Variants in SCD5 observed in about 807,000 individuals in gnomAD.
SCD5 encodes stearoyl-CoA desaturase 5, also known as acyl-CoA-desaturase 4.
In SCD5, 20 loss-of-function variants were observed where a neutral mutation model predicts 30.4. That is an observed-to-expected ratio of 0.66 (90% CI 0.46 to 0.96). SCD5 has a LOEUF of 0.96. SCD5 is among the 40% of genes least tolerant of loss of function. The probability of loss-of-function intolerance (pLI) is 0.00; values close to 1 mark genes in which losing one functional copy is unlikely to be tolerated. For missense variants in SCD5, 381 were observed against 443.3 expected (o/e 0.86, Z 1.26); for synonymous variants, 173 against 176.4 (o/e 0.98, Z 0.16).
chr4:82,720,447 A>C (rs983522203), intron 1 of SCD5, among the ~76,000 whole-genome samples: 8 of 148,112 alleles, frequency 5.4e-5, no homozygotes, highest in Non-Finnish European at 1.2e-4. Context: ...AAAATAAAAA[A>C]AAAAAAAAAA....
At chr4:82,731,832 G>A (rs1040316943) in intron 1 of SCD5, among the ~76,000 whole-genome samples, 27 of 152,052 alleles carry the variant, frequency 1.8e-4, no homozygotes, top group Non-Finnish European at 3.1e-4. Context: ...ATTCCCTTCC[G>A]TCCCCAGAGG....
At chr4:82,658,384 T>C (rs1727909647) in intron 3 of SCD5, among the ~76,000 whole-genome samples, 1 of 152,110 alleles carries the variant, frequency 6.6e-6, no homozygotes, top group Non-Finnish European at 1.5e-5. Context: ...TCTGTTTATG[T>C]GATGGATTAC....
At chr4:82,764,679 C>T (rs572195131) in intron 1 of SCD5, among the ~76,000 whole-genome samples, 1 of 151,842 alleles carries the variant, frequency 6.6e-6, no homozygotes, top group East Asian at 1.9e-4. Flanking sequence ...TCAAAATACA[C>T]TGCTACTATT....
intron 3 of SCD5, among the ~76,000 whole-genome samples, chr4:82,663,008 T>C (rs561118712): frequency 1.3e-5 from 2 of 152,046 alleles, no homozygotes; most frequent in Non-Finnish European, 1.5e-5. Flanking sequence ...GACTATAAAA[T>C]AGGATGCAGA....
chr4:82,696,981 C>T (rs765976843), intron 2 of SCD5, among the ~76,000 whole-genome samples: 11 of 152,194 alleles, frequency 7.2e-5, no homozygotes, highest in Non-Finnish European at 1.3e-4. Flanking sequence ...GAATTAGACT[C>T]GTGGCTTCTA....
At chr4:82,772,199 GCTA>G (rs1721639502) in intron 1 of SCD5, among the ~76,000 whole-genome samples, 1 of 152,236 alleles carries the variant, frequency 6.6e-6, no homozygotes, top group South Asian at 2.1e-4. Flanking sequence ...GGAAGGTGGT[GCTA>G]CTAACCAAGA....
chr4:82,733,888 A>G (rs1256846215), intron 1 of SCD5, among the ~76,000 whole-genome samples: 1 of 152,188 alleles, frequency 6.6e-6, no homozygotes, highest in Non-Finnish European at 1.5e-5. Context: ...CAAAGTACAG[A>G]GACTCAGGTG....
At position 82,727,224 on chromosome 4, in the gene SCD5, T is replaced by C. The variant is rs994224800; in HGVS notation, c.233-21811A>G. 6.6e-5 allele frequency among the ~76,000 whole-genome samples: 10 copies of C among 152,318 alleles called. No homozygotes were observed. In the East Asian group the frequency reaches 1.9e-3, roughly 29 times the overall value. ...ATTCGGGTGTAACAATGATATGCAG[T>C]GGACAAGGCCTTGGTCCTGTACAAC... On this transcript the variant is annotated intron_variant, in intron 1 of 4. Coordinates refer to ENST00000319540, the MANE Select transcript of SCD5 (RefSeq NM_001037582.3).
At chr4:82,665,376 C>T (rs1728163969) in intron 3 of SCD5, among the ~76,000 whole-genome samples, 1 of 151,204 alleles carries the variant, frequency 6.6e-6, no homozygotes, top group Non-Finnish European at 1.5e-5. Flanking sequence ...TACCTCTCTC[C>T]TTAAAAAAAA....
chr4:82,694,836 A>G (rs1356639611), intron 2 of SCD5, among the ~76,000 whole-genome samples: 4 of 152,186 alleles, frequency 2.6e-5, no homozygotes, highest in Non-Finnish European at 5.9e-5. Flanking sequence ...AAATCCATGC[A>G]TTTAAGTGAA....
intron 2 of SCD5, among the ~76,000 whole-genome samples, chr4:82,690,531 C>T (rs927235894): frequency 2.0e-5 from 3 of 152,164 alleles, no homozygotes; most frequent in Non-Finnish European, 2.9e-5. Context: ...AGGCTTTTAT[C>T]AATTTACTTG....
chr4:82,670,114 A>C (rs1728277753), intron 3 of SCD5, among the ~76,000 whole-genome samples: 1 of 152,210 alleles, frequency 6.6e-6, no homozygotes, highest in Non-Finnish European at 1.5e-5. Context: ...AAAAATTATA[A>C]GGCATAATAA....
intron 1 of SCD5, among the ~76,000 whole-genome samples, chr4:82,798,086 C>CGGG (rs34694654): frequency 4.8e-5 from 6 of 124,052 alleles, no homozygotes; most frequent in African/African-American, 2.1e-4. Flanking sequence ...GGGGTGGGGG[C>CGGG]GGGGGGGGGG....
At chr4:82,639,829 C>T (rs1171527564) in intron 3 of SCD5, among the ~76,000 whole-genome samples, 1 of 152,248 alleles carries the variant, frequency 6.6e-6, no homozygotes, top group African/African-American at 2.4e-5. Context: ...TTCCTCCGCT[C>T]TTTGGATTAC....
At chr4:82,766,404 T>C (rs1323335845) in intron 1 of SCD5, among the ~76,000 whole-genome samples, 2 of 152,248 alleles carry the variant, frequency 1.3e-5, no homozygotes, top group Non-Finnish European at 1.5e-5. Context: ...ATCTCAGATA[T>C]TGTATTTTCC....
At chr4:82,658,450 T>G (rs930407501) in intron 3 of SCD5, among the ~76,000 whole-genome samples, 4 of 149,614 alleles carry the variant, frequency 2.7e-5, no homozygotes, top group African/African-American at 9.9e-5. Flanking sequence ...GAAGCTGACT[T>G]GATTGTGGTG....
chr4:82,640,100 G>A (rs1274069823), intron 3 of SCD5, among the ~76,000 whole-genome samples: 2 of 152,176 alleles, frequency 1.3e-5, no homozygotes, highest in Non-Finnish European at 2.9e-5. Flanking sequence ...TCTGACCCCT[G>A]CTCTCTGACC....
chr4:82,671,724 A>T (rs1167110690), intron 3 of SCD5, among the ~76,000 whole-genome samples: 3 of 152,192 alleles, frequency 2.0e-5, no homozygotes, highest in African/African-American at 7.2e-5. Flanking sequence ...CTAAAAACAC[A>T]AAAGTGAGCC....
At chr4:82,779,686 ACCTTGGGCAAATCACT>A (rs1362007832) in intron 1 of SCD5, among the ~76,000 whole-genome samples, 1 of 152,182 alleles carries the variant, frequency 6.6e-6, no homozygotes, top group Non-Finnish European at 1.5e-5. Context: ...CAGCTCTGTG[ACCTTGGGCAAATCACT>A]CCTCCCTGTC....
Sources: allele counts gnomAD v4.1 joint callset (sites outside exome capture counted in the v4.1 genomes callset), GRCh38; gene constraint gnomAD v4.1.1; transcripts MANE v1.5; gene names NCBI Gene and HGNC (gene_info 2026-07-23, HGNC 2026-07-21).